Variants in VPS13B observed in about 807,000 individuals in gnomAD.
VPS13B encodes vacuolar protein sorting 13 homolog B.
In VPS13B, 285 loss-of-function variants were observed where a neutral mutation model predicts 426.4. The observed-to-expected ratio is 0.67, with a 90% CI of 0.61 to 0.74. VPS13B has a LOEUF of 0.74. Among genes scored for constraint, VPS13B ranks in the 30% least tolerant of loss-of-function variants. The pLI is 0.00. For missense variants in VPS13B, 4,537 were observed against 4,782.6 expected (o/e 0.95, Z 1.51); for synonymous variants, 1,676 against 1,676.4 (o/e 1.00, Z 0.01).
chr8:99,185,256 T>C (rs545746489), intron 16 of VPS13B, among the ~76,000 whole-genome samples: 1 of 152,224 alleles, frequency 6.6e-6, no homozygotes, highest in African/African-American at 2.4e-5. Flanking sequence ...TACAGAGGTC[T>C]GCAGGGATAT....
chr8:99,111,511 T>A (rs966967167), intron 6 of VPS13B, among the ~76,000 whole-genome samples: 9 of 152,066 alleles, frequency 5.9e-5, no homozygotes, highest in African/African-American at 1.7e-4. Context: ...TTGTTTTTTT[T>A]TAGTTTTTCC....
At chr8:99,192,691 T>A (rs887575006) in intron 16 of VPS13B, among the ~76,000 whole-genome samples, 185 bp from the exon 17 acceptor site, 7 of 152,216 alleles carry the variant, frequency 4.6e-5, no homozygotes, top group African/African-American at 7.2e-5. Flanking sequence ...TTTATATTAT[T>A]CAGAGTTTCT....
intron 3 of VPS13B, among the ~76,000 whole-genome samples, chr8:99,045,722 A>C (rs1456519086): frequency 6.6e-6 from 1 of 152,182 alleles, no homozygotes; most frequent in Non-Finnish European, 1.5e-5. Context: ...TGATTTTTGT[A>C]TAAGGTGAGA....
chr8:99,307,041 A>G (rs533103152), intron 19 of VPS13B, among the ~76,000 whole-genome samples: 118 of 152,246 alleles, frequency 7.8e-4, no homozygotes, highest in South Asian at 3.7e-3. Flanking sequence ...AAAAGTACAC[A>G]CACGGATTTT....
At chr8:99,736,225 T>C (rs1833823717) in intron 39 of VPS13B, among the ~76,000 whole-genome samples, 2 of 151,988 alleles carry the variant, frequency 1.3e-5, no homozygotes, top group South Asian at 4.2e-4. Context: ...GGGTTATAGG[T>C]AGAGAGTTGA....
At chr8:99,657,922 G>C (rs540960494) in intron 34 of VPS13B, among the ~76,000 whole-genome samples, 93 of 152,226 alleles carry the variant, frequency 6.1e-4, no homozygotes, top group Non-Finnish European at 6.6e-4. Flanking sequence ...ATCCATGGGG[G>C]AATTTGTTTC....
At chr8:99,072,812 A>T (rs144432221) in intron 3 of VPS13B, among the ~76,000 whole-genome samples, 1 of 152,208 alleles carries the variant, frequency 6.6e-6, no homozygotes, top group East Asian at 1.9e-4. Context: ...ATTGTTGTGC[A>T]TGTGGATATT....
chr8:99,507,799 A>G, intron 28 of VPS13B: 1 of 1,613,852 alleles, frequency 6.2e-7, no homozygotes. Context: ...TCTTTGGGGC[A>G]ATGTGGAGGT....
At chr8:99,156,031 TGA>T (rs1811341370) in intron 14 of VPS13B, among the ~76,000 whole-genome samples, 1 of 152,192 alleles carries the variant, frequency 6.6e-6, no homozygotes, top group South Asian at 2.1e-4. Context: ...TAGGACTTTA[TGA>T]GCCCTTAACA....
intron 17 of VPS13B, among the ~76,000 whole-genome samples, chr8:99,262,727 A>T (rs1302855729): frequency 6.6e-6 from 1 of 152,046 alleles, no homozygotes; most frequent in Non-Finnish European, 1.5e-5. Flanking sequence ...GTTATTTCCC[A>T]GTATCAATAT....
intron 49 of VPS13B, among the ~76,000 whole-genome samples, chr8:99,821,089 C>T (rs1382351554): frequency 1.7e-5 from 2 of 114,988 alleles, no homozygotes; most frequent in African/African-American, 6.6e-5. Context: ...ATAGAATGTA[C>T]GTTGTCATTA....
chr8:99,713,318 T>C (rs1426917455), intron 36 of VPS13B, among the ~76,000 whole-genome samples: 7 of 152,200 alleles, frequency 4.6e-5, no homozygotes, highest in Admixed American at 4.6e-4. Context: ...ATGGCTTTTT[T>C]TTAGTAGATA....
At position 99,029,405 on chromosome 8, in the gene VPS13B, C is replaced by A. The variant is rs906982383; in HGVS notation, c.148-9018C>A. 7.9e-3 allele frequency among the ~76,000 whole-genome samples: 1,199 copies of A among 152,110 alleles called. 15 individuals are homozygous for A. The highest frequency in any genetic ancestry group is 9.3e-3 in the Non-Finnish European group (629 of 67,950). ...CCGGGCAGAGGCTGCAATCTCGGCT[C>A]TTTGGGAGGCCAAGGCAGGCGGCTG... On this transcript the variant is annotated intron_variant, in intron 2 of 61. Transcript: ENST00000357162.
At chr8:99,753,809 A>G (rs1393989791) in intron 39 of VPS13B, among the ~76,000 whole-genome samples, 4 of 152,224 alleles carry the variant, frequency 2.6e-5, no homozygotes, top group Non-Finnish European at 5.9e-5. Flanking sequence ...ATCTGGACTT[A>G]GAGTCTTGTT....
chr8:99,233,401 C>T (rs1816457505), intron 17 of VPS13B: 2 of 1,134,704 alleles, frequency 1.8e-6, no homozygotes, highest in Admixed American at 3.4e-5. Flanking sequence ...GATGGAGGCT[C>T]TGGCGAGTCT....
At chr8:99,210,180 C>T (rs1484784277) in intron 17 of VPS13B, among the ~76,000 whole-genome samples, 1 of 152,144 alleles carries the variant, frequency 6.6e-6, no homozygotes, top group Non-Finnish European at 1.5e-5. Context: ...ACCAGAATCC[C>T]ATTTTATTTA....
intron 35 of VPS13B, among the ~76,000 whole-genome samples, chr8:99,692,203 T>C (rs1831706308): frequency 6.7e-6 from 1 of 148,478 alleles, no homozygotes; most frequent in South Asian, 2.2e-4. Context: ...CTAATAGACA[T>C]CTACAGAACT....
chr8:99,040,937 C>T (rs1226679921), intron 3 of VPS13B, among the ~76,000 whole-genome samples: 3 of 152,028 alleles, frequency 2.0e-5, no homozygotes, highest in African/African-American at 4.8e-5. Context: ...TTAATTCTAC[C>T]AACATTTGTT....
chr8:99,700,156 G>A (rs571032687), intron 36 of VPS13B, among the ~76,000 whole-genome samples: 1 of 152,164 alleles, frequency 6.6e-6, no homozygotes, highest in South Asian at 2.1e-4. Context: ...CTTGAGGCAT[G>A]TTCTTCCAGG....
Sources: gnomAD v4.1 joint callset for allele counts (sites outside exome capture counted in the v4.1 genomes callset) on GRCh38, gnomAD v4.1.1 for gene constraint, MANE v1.5 for transcripts, NCBI Gene and HGNC (gene_info 2026-07-23, HGNC 2026-07-21) for gene names.